The following FSTL5 variants were observed in gnomAD, a reference collection of about 807,000 sequenced individuals.
FSTL5 encodes follistatin-related protein 5.
FSTL5 carries 62 observed loss-of-function variants against 89.1 expected under a neutral mutation model. The ratio of observed to expected loss-of-function variants is 0.70; its 90% CI spans 0.57 to 0.86. FSTL5 has a LOEUF of 0.86. Ranked by LOEUF, FSTL5 falls within the 40% of genes least tolerant of loss-of-function variation. The probability of loss-of-function intolerance (pLI) is 0.00; values close to 1 mark genes in which losing one functional copy is unlikely to be tolerated. For synonymous variants in FSTL5, 383 were observed against 346.2 expected (o/e 1.11, Z -1.18); for missense variants, 1,057 against 1,001.6 (o/e 1.06, Z -0.75).
At chr4:161,651,243 T>A (rs1032250686) in intron 7 of FSTL5, among the ~76,000 whole-genome samples, 47 of 150,986 alleles carry the variant, frequency 3.1e-4, no homozygotes, top group Middle Eastern at 3.4e-3. Flanking sequence ...GCTGAGTGAA[T>A]ATAATGGCAG....
chr4:161,824,329 T>C (rs1730598984), intron 4 of FSTL5, among the ~76,000 whole-genome samples: 1 of 152,176 alleles, frequency 6.6e-6, no homozygotes, highest in Admixed American at 6.5e-5. Context: ...TATAAGTAGT[T>C]GGCTTTATTT....
intron 4 of FSTL5, among the ~76,000 whole-genome samples, chr4:161,797,376 T>C (rs1256169516): frequency 6.6e-6 from 1 of 151,738 alleles, no homozygotes; most frequent in South Asian, 2.1e-4. Context: ...ATAATACAAT[T>C]ACAGTAAATT....
intron 1 of FSTL5, among the ~76,000 whole-genome samples, chr4:162,153,640 ATGTATATTATATATGTATATAATATATG>A (rs1442095422): frequency 9.6e-6 from 1 of 104,310 alleles, no homozygotes; most frequent in African/African-American, 3.0e-5. Context: ...ATAATAATAT[ATGTATATTATATATGTATATAATATATG>A]TATATTATAT....
intron 15 of FSTL5, among the ~76,000 whole-genome samples, chr4:161,452,816 A>G (rs1285139343): frequency 1.3e-5 from 2 of 152,212 alleles, no homozygotes; most frequent in Non-Finnish European, 2.9e-5. Context: ...ATACCCATGC[A>G]TTTCACTGCA....
intron 11 of FSTL5, among the ~76,000 whole-genome samples, chr4:161,501,961 C>T (rs1440986045): frequency 6.6e-6 from 1 of 151,924 alleles, no homozygotes; most frequent in Admixed American, 6.6e-5. Context: ...AACTTATGAA[C>T]ATAACAAAAC....
intron 4 of FSTL5, among the ~76,000 whole-genome samples, chr4:161,890,069 T>C (rs1236076761): frequency 6.6e-6 from 1 of 152,208 alleles, no homozygotes; most frequent in Non-Finnish European, 1.5e-5. Flanking sequence ...ATGTAAGATT[T>C]ACAAAATTAG....
chr4:161,692,116 T>C (rs780690770), intron 6 of FSTL5, among the ~76,000 whole-genome samples: 2 of 152,132 alleles, frequency 1.3e-5, no homozygotes, highest in Non-Finnish European at 2.9e-5. Context: ...AGTATAATGT[T>C]GACTAGCAGT....
At chr4:161,822,427 C>T (rs1730521150) in intron 4 of FSTL5, among the ~76,000 whole-genome samples, 1 of 152,198 alleles carries the variant, frequency 6.6e-6, no homozygotes, top group Non-Finnish European at 1.5e-5. Context: ...CCACTGTGCA[C>T]AGCCAGGTGT....
chr4:161,606,437 G>A (rs1361811237), intron 7 of FSTL5, among the ~76,000 whole-genome samples: 3 of 151,384 alleles, frequency 2.0e-5, no homozygotes, highest in South Asian at 2.1e-4. Context: ...GCACCATGTT[G>A]GCCAGGATGG....
chr4:161,783,077 A>T (rs1741727684), intron 4 of FSTL5, among the ~76,000 whole-genome samples: 1 of 152,224 alleles, frequency 6.6e-6, no homozygotes, highest in African/African-American at 2.4e-5. Flanking sequence ...AAAACACAAC[A>T]AAATAAAACA....
intron 15 of FSTL5, among the ~76,000 whole-genome samples, chr4:161,427,800 C>T (rs1235734854): frequency 6.6e-6 from 1 of 152,072 alleles, no homozygotes; most frequent in Non-Finnish European, 1.5e-5. Context: ...TATTTTTAAT[C>T]AAGAAGTTGA....
intron 4 of FSTL5, among the ~76,000 whole-genome samples, chr4:161,823,133 A>G (rs1251424691): frequency 6.6e-6 from 1 of 152,128 alleles, no homozygotes; most frequent in Non-Finnish European, 1.5e-5. Flanking sequence ...TATGAAAAAA[A>G]GCACCATAAG....
chr4:161,995,181 T>C (rs1736252380), intron 3 of FSTL5, among the ~76,000 whole-genome samples: 1 of 152,194 alleles, frequency 6.6e-6, no homozygotes, highest in Non-Finnish European at 1.5e-5. Flanking sequence ...AATGCTTATT[T>C]TGTAGTTAAA....
chr4:161,810,492 A>G (rs992968918), intron 4 of FSTL5, among the ~76,000 whole-genome samples: 3 of 152,182 alleles, frequency 2.0e-5, no homozygotes, highest in African/African-American at 7.2e-5. Flanking sequence ...CAGGAAATTG[A>G]GAATTGACGA....
chr4:161,472,735 T>A (rs920368344), intron 13 of FSTL5, among the ~76,000 whole-genome samples: 1 of 152,002 alleles, frequency 6.6e-6, no homozygotes, highest in Admixed American at 6.6e-5. Flanking sequence ...TGTAACTTTT[T>A]TTTTTTTTTT....
intron 2 of FSTL5, chr4:162,047,278 A>T (rs564986258): frequency 6.6e-6 from 1 of 152,244 alleles, no homozygotes; most frequent in South Asian, 2.1e-4. Flanking sequence ...ATTAGTTGGG[A>T]AATGATAAAA....
intron 6 of FSTL5, among the ~76,000 whole-genome samples, chr4:161,681,995 A>G (rs570382060): frequency 3.7e-4 from 57 of 152,292 alleles, no homozygotes; most frequent in African/African-American, 1.3e-3. Context: ...GGTATAGTCA[A>G]TTGCTACTAA....
At chr4:161,863,361 G>A (rs1170542823) in intron 4 of FSTL5, among the ~76,000 whole-genome samples, 2 of 152,150 alleles carry the variant, frequency 1.3e-5, no homozygotes, top group African/African-American at 4.8e-5. Flanking sequence ...GGCAAGGGAA[G>A]TTTTATCATC....
At chr4:161,960,369 C>T (rs555871272) in intron 3 of FSTL5, among the ~76,000 whole-genome samples, 36 of 151,472 alleles carry the variant, frequency 2.4e-4, no homozygotes, top group Middle Eastern at 6.8e-3. Context: ...AGAGATGAGG[C>T]TTCACCATGT....
Sources: gnomAD v4.1 joint callset for allele counts (sites outside exome capture counted in the v4.1 genomes callset) on GRCh38, gnomAD v4.1.1 for gene constraint, MANE v1.5 for transcripts, NCBI Gene and HGNC (gene_info 2026-07-23, HGNC 2026-07-21) for gene names.